Variants in POM121C observed in about 807,000 individuals in gnomAD.
POM121C encodes the protein nuclear envelope pore membrane protein POM 121C.
POM121C carries 20 observed loss-of-function variants against 66.4 expected under a neutral mutation model. The observed-to-expected ratio is 0.30, with a 90% confidence interval of 0.21 to 0.44. POM121C has a LOEUF of 0.44. POM121C is among the 20% of genes least tolerant of loss of function. POM121C has a pLI of 1.00. For missense variants in POM121C, 580 were observed against 1,225.7 expected (o/e 0.47, Z 7.87); for synonymous variants, 286 against 528.0 (o/e 0.54, Z 6.28).
rs1259826652 is a variant in POM121C, at chr7:75,440,983, T to G, written c.198A>C (p.Ile66=). The change falls in exon 5 of 15, where the codon ATA becomes ATC. Residue 66 remains isoleucine, a synonymous_variant. Coordinates refer to ENST00000615331, the MANE Select transcript of POM121C (RefSeq NM_001099415.3). ...TTTTATTTTCCTGGCCATCAAGGAATATTTGGTCTTCTTCCTCCACTGTCC... is the reference window on the plus strand; with the variant it reads ...TTTTATTTTCCTGGCCATCAAGGAAGATTTGGTCTTCTTCCTCCACTGTCC... ...KKRTVEEEDQ[I]FLDGQENKRR... is the part of the protein sequence containing the mutation. 1.2e-6 allele frequency: 2 copies of G among 1,613,880 alleles called. No individual in the cohort carries two copies. The highest frequency in any genetic ancestry group is 2.7e-5 in the African/African-American group (2 of 74,924).
At position 75,425,153 on chromosome 7, in the gene POM121C, T is replaced by C. The variant is rs372375385; in HGVS notation, c.689A>G (p.Gln230Arg). The C allele has an allele frequency of 1.1e-4, 168 of 1,492,988 alleles. 3 individuals are homozygous for C. Among genetic ancestry groups the C allele is most frequent in the Admixed American group, 1.0e-4 (4 of 39,386 alleles). The allele number at this position is 1,492,988 out of a possible 1,614,324, so 92.5% of individuals were successfully genotyped here. The stretch of plus-strand genomic sequence containing the variant: ...CTGCCCAGAGCTGCCAGGTGTAGAC[T>C]GAGAATTCGAGTTTTGTTTCTTCCT... ...TPRKKQNSNS[Q>R]STPGSSGQRK... Residue 230 changes from glutamine to arginine, a missense_variant, in exon 10 of 15, where the codon CAG becomes CGG. Transcript: ENST00000615331.
intron 7 of POM121C, among the ~76,000 whole-genome samples, chr7:75,428,907 G>C (rs1790062306): frequency 6.8e-6 from 1 of 147,418 alleles, no homozygotes; most frequent in South Asian, 2.2e-4. Context: ...TTGAGCCCAA[G>C]AGTTTTGAGA....
intron 7 of POM121C, among the ~76,000 whole-genome samples, chr7:75,433,234 C>CAA (rs782004307): frequency 0.33 from 14,420 of 44,188 alleles, 4,734 homozygotes; most frequent in East Asian, 0.87. Flanking sequence ...GACTCTGTCT[C>CAA]AAAAAAAAAA....
In POM121C at chr7:75,467,389, G is replaced by A. The variant is rs587761714; in HGVS notation, c.-152+7315C>T. Among the ~76,000 whole-genome samples the A allele has an allele frequency of 5.9e-5, 9 of 151,992 alleles. No individual in the cohort carries two copies. The South Asian group carries it at 1.0e-3, about 18-fold the overall frequency. ...TACTAAAAATACAAAAAAATTAGCC[G>A]GGTGTGGTGGCACATGCCTGTAGTC... On this transcript the variant is annotated intron_variant, in intron 3 of 14. Transcript: ENST00000615331.
At chr7:75,448,847 C>T (rs1227887767) in intron 3 of POM121C, among the ~76,000 whole-genome samples, 1 of 149,710 alleles carries the variant, frequency 6.7e-6, no homozygotes. Context: ...TGAAAAACAG[C>T]CAAAGCCTTA....
chr7:75,453,021 GC>G (rs1791076762), intron 3 of POM121C, among the ~76,000 whole-genome samples: 1 of 152,142 alleles, frequency 6.6e-6, no homozygotes, highest in Non-Finnish European at 1.5e-5. Context: ...ACAGGTGTGT[GC>G]TTCCAGGCGC....
intron 3 of POM121C, among the ~76,000 whole-genome samples, chr7:75,458,003 T>C: frequency 6.6e-6 from 1 of 152,302 alleles, no homozygotes; most frequent in Non-Finnish European, 1.5e-5. Context: ...CATATTTTAT[T>C]TTCGCATTGA....
chr7:75,471,480 G>A (rs1791874810), intron 3 of POM121C, among the ~76,000 whole-genome samples: 2 of 152,148 alleles, frequency 1.3e-5, no homozygotes, highest in Non-Finnish European at 2.9e-5. Context: ...TTACAGGTGT[G>A]AGCCACCATG....
chr7:75,431,518 A>G (rs1208789339), intron 7 of POM121C, among the ~76,000 whole-genome samples: 1 of 145,830 alleles, frequency 6.9e-6, no homozygotes, highest in African/African-American at 2.6e-5. Context: ...CAGAAGAATC[A>G]CTTGAACCCA....
intron 3 of POM121C, among the ~76,000 whole-genome samples, chr7:75,454,151 G>A (rs1423846075): frequency 6.6e-6 from 1 of 152,216 alleles, no homozygotes; most frequent in Non-Finnish European, 1.5e-5. Context: ...GAAGTGACAA[G>A]GTCATGTTAT....
At chr7:75,442,306 G>C (rs1554474169) in intron 3 of POM121C, 24 of 1,443,668 alleles carry the variant, frequency 1.7e-5, no homozygotes, top group South Asian at 1.4e-4. Context: ...CCTCCGGAGC[G>C]GGGGCGGGCT....
At chr7:75,460,754 C>T (rs2527964) in intron 3 of POM121C, among the ~76,000 whole-genome samples, 99,937 of 151,422 alleles carry the variant, frequency 0.66, 35,949 homozygotes, top group East Asian at 0.96. Flanking sequence ...CCTGAGTTCC[C>T]GAAGCAGCTG....
At chr7:75,466,407 A>G (rs1554477856) in intron 3 of POM121C, among the ~76,000 whole-genome samples, 1 of 151,826 alleles carries the variant, frequency 6.6e-6, no homozygotes, top group African/African-American at 2.4e-5. Context: ...GGAGTTCAAC[A>G]CCAGCCTGGC....
intron 2 of POM121C, 74 bp downstream of exon 2, chr7:75,474,988 T>G (rs1346939424): frequency 1.3e-6 from 2 of 1,488,220 alleles, no homozygotes; most frequent in African/African-American, 2.8e-5. Flanking sequence ...TAAATGGTGT[T>G]GCCACTTATT....
intron 3 of POM121C, among the ~76,000 whole-genome samples, chr7:75,447,007 CAAAAAAAAAAAAAA>C (rs60389539): frequency 1.9e-5 from 1 of 53,514 alleles, no homozygotes. Flanking sequence ...GACTCCGTCT[CAAAAAAAAAAAAAA>C]AAAAAAAAAA....
rs782181649 is a variant in POM121C at position 75,440,940 on chromosome 7, C to A, written c.227+14G>T. On this transcript the variant is annotated intron_variant, in intron 5 of 14. Transcript: ENST00000615331. ...AAGCGGGAAACTGGCTTAGTACTCT[C>A]CTGAGCCTGTTACCTTCTTTTATTT... The A allele has an allele frequency of 1.2e-6, 2 of 1,613,982 alleles. No homozygotes were observed. Among genetic ancestry groups the A allele is most frequent in the South Asian group, 2.2e-5 (2 of 91,070 alleles).
chr7:75,416,895 T>A lies in POM121C; in HGVS notation c.*1901A>T, dbSNP rs1307171564. 3 of 1,435,484 alleles carry A rather than the reference T, an allele frequency of 2.1e-6. No homozygotes were observed. Among genetic ancestry groups the A allele is most frequent in the South Asian group, 1.5e-5 (1 of 66,132 alleles). The allele number at this position is 1,435,484 out of a possible 1,614,324, so 88.9% of individuals were successfully genotyped here. On this transcript the variant is annotated 3_prime_UTR_variant, in exon 15 of 15. Coordinates refer to ENST00000615331, the MANE Select transcript of POM121C (RefSeq NM_001099415.3). ...ACAGGAATGAAGTCTCTATTTGTAATGGAAAGTCCCAGCCTCCCGCTGCCG... is the reference window on the plus strand; with the variant it reads ...ACAGGAATGAAGTCTCTATTTGTAAAGGAAAGTCCCAGCCTCCCGCTGCCG...
In POM121C at chr7:75,486,060, G is replaced by A. The variant is rs1554480895; in HGVS notation, c.-654C>T. ...TCTCGGGGCCCAGATCCGCCTCCCT[G>A]GGGCTCCCGGCCCCTCTGGCCCCAG... On this transcript the variant is annotated 5_prime_UTR_variant, in exon 1 of 15. Transcript: ENST00000615331. 4.6e-6 allele frequency: 2 copies of A among 435,520 alleles called. No individual in the cohort carries two copies. Among genetic ancestry groups the A allele is most frequent in the Admixed American group, 2.6e-5 (1 of 38,564 alleles). 27.0% of individuals were successfully genotyped at this position (435,520 alleles called of 1,614,324 possible). A position where few individuals can be genotyped will look rare whatever the true frequency, so the allele number is the denominator to read the frequency against.
chr7:75,418,993 G>C, intron 14 of POM121C, 100 bp from the exon 15 acceptor site: 1 of 1,471,852 alleles, frequency 6.8e-7, no homozygotes, highest in Non-Finnish European at 9.0e-7. Flanking sequence ...ATAAAACACA[G>C]GGTGCCTCAA....
Sources: gnomAD v4.1 joint callset for allele counts (sites outside exome capture counted in the v4.1 genomes callset) on GRCh38, gnomAD v4.1.1 for gene constraint, MANE v1.5 for transcripts, NCBI Gene and HGNC (gene_info 2026-07-23, HGNC 2026-07-21) for gene names.